SBF1: variants seen among roughly 807,000 people sequenced by gnomAD.
The protein encoded by SBF1 is myotubularin-related protein 5.
SBF1 carries 65 observed loss-of-function variants against 215.8 expected under a neutral mutation model. The observed-to-expected ratio is 0.30, with a 90% CI of 0.25 to 0.37. The LOEUF (loss-of-function observed/expected upper bound fraction) is 0.37, where lower values mean the gene tolerates loss of function less well. SBF1 is among the 10% of genes least tolerant of loss of function. SBF1 has a pLI of 1.00. For missense variants in SBF1, 2,634 were observed against 2,667.8 expected (o/e 0.99, Z 0.28); for synonymous variants, 1,410 against 1,122.8 (o/e 1.26, Z -5.11).
rs562437814 is a variant in SBF1 at position 50,460,567 on chromosome 22, G to A, written c.3113C>T (p.Pro1038Leu). The A allele has an allele frequency of 6.2e-6, 10 of 1,614,096 alleles. No homozygotes were observed. In the African/African-American group the frequency reaches 6.7e-5, roughly 11 times the overall value. ...LGSAHTPGRPPRVTKDKGPSL... is the reference protein window; with the variant it reads ...LGSAHTPGRPLRVTKDKGPSL... ...AGGACCCTTGTCCTTGGTGACTCGC[G>A]GTGGCCGGCCAGGTGTGTGGGCAGA... Residue 1038 changes from proline to leucine, a missense_variant, in exon 24 of 41, where the codon CCG becomes CTG. Transcript: ENST00000380817.
chr22:50,447,242 T>TG lies in SBF1; in HGVS notation c.5584-3dup. On this transcript the variant is annotated splice_polypyrimidine_tract_variant and splice_region_variant and intron_variant, in intron 40 of 40. Coordinates refer to ENST00000380817, the MANE Select transcript of SBF1 (RefSeq NM_002972.4). ...GTAAACGCGACGCGTTGTCTTCACC[T>TG]GGGGAAGGGCGGGTTACTGACTCCG... The TG allele has an allele frequency of 3.1e-6, 5 of 1,613,874 alleles. No individual in the cohort carries two copies. Among genetic ancestry groups the TG allele is most frequent in the Non-Finnish European group, 4.2e-6 (5 of 1,179,876 alleles).
intron 28 of SBF1, among the ~76,000 whole-genome samples, chr22:50,458,066 G>T (rs772986632): frequency 6.6e-6 from 1 of 152,164 alleles, no homozygotes; most frequent in African/African-American, 2.4e-5. Context: ...TTGGGAGGCC[G>T]AGGCGGGCGG....
At chr22:50,460,752 C>A in intron 23 of SBF1, 40 bp from the exon 24 acceptor site, 1 of 1,589,156 alleles carries the variant, frequency 6.3e-7, no homozygotes, top group Non-Finnish European at 8.6e-7. Flanking sequence ...GTGGGTGGCC[C>A]CCCAGCCCCT....
rs770221640 is a variant in SBF1 at position 50,461,292 on chromosome 22, G to C, written c.2840-6C>G. On this transcript the variant is annotated splice_region_variant and splice_polypyrimidine_tract_variant and intron_variant, in intron 22 of 40. Transcript: ENST00000380817. ...GACCACCACCTGCTCCCCAACTTAG[G>C]ACAGGCCAGGCAGAGTCAGAAGCAA... 4.5e-5 allele frequency: 70 copies of C among 1,540,952 alleles called. No homozygotes were observed. The highest frequency in any genetic ancestry group is 3.2e-5 in the Non-Finnish European group (36 of 1,130,028).
At chr22:50,459,850 A>G in intron 26 of SBF1, 102 bp downstream of exon 26, 1 of 1,446,586 alleles carries the variant, frequency 6.9e-7, no homozygotes, top group African/African-American at 1.4e-5. Context: ...CTCCCCCTCC[A>G]CATTCCTTAC....
At chr22:50,467,997 T>C (rs2148606227) in intron 2 of SBF1, 74 bp from the exon 3 acceptor site, 1 of 1,565,086 alleles carries the variant, frequency 6.4e-7, no homozygotes, top group East Asian at 2.3e-5. Flanking sequence ...CCCCAGCATC[T>C]GCACCACCAG....
rs904336518 is a variant in SBF1 at position 50,464,411 on chromosome 22, T to C, written c.1667A>G (p.His556Arg). ...TAILERCSGL[H>R]VNSARRLEVV... is the part of the protein sequence containing the mutation. The stretch of plus-strand genomic sequence containing the variant: ...CTCCAGCCGCCGGGCGCTGTTGACA[T>C]GCAGCCCACTGCACCGCTCCAGTAT... Residue 556 changes from histidine to arginine, a missense_variant, in exon 15 of 41, where the codon CAT becomes CGT. Coordinates refer to ENST00000380817, the MANE Select transcript of SBF1 (RefSeq NM_002972.4). The C allele has an allele frequency of 6.2e-7, 1 of 1,613,930 alleles. No individual in the cohort carries two copies. The highest frequency in any genetic ancestry group is 1.3e-5 in the African/African-American group (1 of 74,958).
chr22:50,449,389 G>T (rs377248657), intron 36 of SBF1, among the ~76,000 whole-genome samples: 2 of 152,054 alleles, frequency 1.3e-5, no homozygotes, highest in East Asian at 3.9e-4. Context: ...GGCCGAGGCG[G>T]GTGGATCACG....
Position 50,446,593 on chromosome 22 carries a change from CAAG to C in SBF1, c.*546_*548del. 1 of 339,798 alleles carries C rather than the reference CAAG, an allele frequency of 2.9e-6. No individual in the cohort carries two copies. Among genetic ancestry groups the C allele is most frequent in the African/African-American group, 2.2e-5 (1 of 46,454 alleles). 21.0% of individuals were successfully genotyped at this position (339,798 alleles called of 1,614,324 possible). A position where few individuals can be genotyped will look rare whatever the true frequency, so the allele number is the denominator to read the frequency against. ...GCCCTGAGGCGTGGAGGGAATCAAG[CAAG>C]TCCCCAGTGAAGCCTCCTGCTCGAT... On this transcript the variant is annotated 3_prime_UTR_variant, in exon 41 of 41. Transcript: ENST00000380817.
intron 28 of SBF1, 48 bp from the exon 29 acceptor site, chr22:50,457,159 CGTGCCCAGCTTGGGG>C: frequency 1.4e-6 from 2 of 1,404,936 alleles, no homozygotes; most frequent in Non-Finnish European, 9.3e-7. Context: ...CAGGCCTGGG[CGTGCCCAGCTTGGGG>C]GTGCCTACAG....
chr22:50,466,492 G>A lies in SBF1; in HGVS notation c.656-10C>T, dbSNP rs1046105172. 11 of 1,540,516 alleles carry A rather than the reference G, an allele frequency of 7.1e-6. No homozygotes were observed. The Admixed American group carries it at 8.0e-5, about 11-fold the overall frequency. On this transcript the variant is annotated splice_polypyrimidine_tract_variant and intron_variant, in intron 6 of 40. Coordinates refer to ENST00000380817, the MANE Select transcript of SBF1 (RefSeq NM_002972.4). ...AGCACGTTGGTGATGCCTAAAGGAA[G>A]AAGAGAAGCTTGGAGAGGACCCTGG...
At position 50,474,971 on chromosome 22, in the gene SBF1, GGC is replaced by G; in HGVS notation, c.-133_-132del. The G allele has an allele frequency of 3.8e-6, 1 of 264,856 alleles. No homozygotes were observed. The highest frequency in any genetic ancestry group is 5.4e-6 in the Non-Finnish European group (1 of 185,868). The allele number at this position is 264,856 out of a possible 1,614,324, so 16.4% of individuals were successfully genotyped here. On this transcript the variant is annotated 5_prime_UTR_variant, in exon 1 of 41. An upstream open reading frame in the 5' UTR loses its in-frame stop. Transcript: ENST00000380817. ...GGACACCCCTGGTTCGCTCCGCGGC[GGC>G]GGCGGCGGCGGCGGCGGCGGCCCAG...
intron 31 of SBF1, 164 bp from the exon 32 acceptor site, chr22:50,455,746 T>G: frequency 1.6e-6 from 1 of 641,220 alleles, no homozygotes; most frequent in Non-Finnish European, 2.7e-6. Context: ...CACAGCTCGC[T>G]CTGGGTGTGC....
intron 30 of SBF1, 27 bp downstream of exon 30, chr22:50,456,465 A>AACCCCCCC: frequency 1.3e-6 from 1 of 748,648 alleles, no homozygotes; most frequent in Non-Finnish European, 1.8e-6. Flanking sequence ...CCCCACCCTC[A>AACCCCCCC]CCCCCCACCC....
At chr22:50,453,157 A>G (rs1395422309) in intron 36 of SBF1, among the ~76,000 whole-genome samples, 1 of 152,220 alleles carries the variant, frequency 6.6e-6, no homozygotes, top group Non-Finnish European at 1.5e-5. Flanking sequence ...TTCTGTGTAC[A>G]AGAAACTCAC....
rs754927771 is a variant in SBF1, at chr22:50,462,876, G to A, written c.1962C>T (p.Phe654=). The part of the protein sequence containing the change: ...AAALLPLVTA[F]CRKLSPGVTQ... ...CAGCCATGCCAGCACTCACCCGGCA[G>A]AAGGCTGTGACCAGAGGCAGCAGAG... The change falls in exon 17 of 41, where the codon TTC becomes TTT. Residue 654 remains phenylalanine (F), a synonymous_variant. Transcript: ENST00000380817. 3 of 1,613,210 alleles carry A rather than the reference G, an allele frequency of 1.9e-6. No individual in the cohort carries two copies. The highest frequency in any genetic ancestry group is 3.3e-5 in the Admixed American group (2 of 60,004).
Position 50,465,795 on chromosome 22 carries a change from GC to G in SBF1, c.1056del (p.Thr354ArgfsTer7). On this transcript the variant is annotated frameshift_variant, in exon 10 of 41. Transcript: ENST00000380817. LOFTEE classifies it high-confidence loss of function. The stretch of plus-strand genomic sequence containing the variant: ...TTCAGGGAGGAGGTGGATGTCGTGG[GC>G]GGAGGGAAGGCGAGGTCAGCCAACT... Reference protein sequence around the residue: ...ELELADLAFPPPTTSTSSLKM... With the variant: ...ELELADLAFPXPTTSTSSLKM... 6.2e-7 allele frequency: 1 copy of G among 1,610,856 alleles called. No homozygotes were observed. Among genetic ancestry groups the G allele is most frequent in the South Asian group, 1.1e-5 (1 of 90,698 alleles).
intron 1 of SBF1, among the ~76,000 whole-genome samples, chr22:50,471,028 T>C (rs80349658): frequency 0.078 from 11,897 of 152,238 alleles, 618 homozygotes; most frequent in Non-Finnish European, 0.11. Context: ...TGAAGCTCTA[T>C]TGCCATAGGA....
In SBF1 at chr22:50,463,276, G is replaced by C. The variant is rs1036665008; in HGVS notation, c.1899+7C>G. The C allele has an allele frequency of 3.1e-6, 5 of 1,613,312 alleles. No homozygotes were observed. Among genetic ancestry groups the C allele is most frequent in the Non-Finnish European group, 4.2e-6 (5 of 1,179,814 alleles). On this transcript the variant is annotated splice_region_variant and intron_variant, in intron 16 of 40. Coordinates refer to ENST00000380817, the MANE Select transcript of SBF1 (RefSeq NM_002972.4). ...AGCCATGTCACTAGCAGGATAAGAG[G>C]CCTCACCTGCAGGCAGCAGTTCATC...
Sources: gnomAD v4.1 joint callset for allele counts (sites outside exome capture counted in the v4.1 genomes callset) on GRCh38, gnomAD v4.1.1 for gene constraint, MANE v1.5 for transcripts, NCBI Gene and HGNC (gene_info 2026-07-23, HGNC 2026-07-21) for gene names.